The following ANKDD1A variants were observed in gnomAD, a reference collection of about 807,000 sequenced individuals.
ANKDD1A encodes ankyrin repeat and death domain-containing protein 1A.
ANKDD1A carries 59 observed loss-of-function variants against 63.5 expected under a neutral mutation model. The observed-to-expected ratio is 0.93, with a 90% CI of 0.75 to 1.15. The LOEUF (loss-of-function observed/expected upper bound fraction) is 1.15. Among genes scored for constraint, ANKDD1A ranks in the 50% most tolerant of loss-of-function variants. ANKDD1A has a pLI of 0.00. For synonymous variants in ANKDD1A, 266 were observed against 263.9 expected (o/e 1.01, Z -0.08); for missense variants, 632 against 656.4 (o/e 0.96, Z 0.41).
intron 9 of ANKDD1A, 88 bp downstream of exon 9, chr15:64,934,322 C>A: frequency 7.7e-7 from 1 of 1,297,932 alleles, no homozygotes; most frequent in Non-Finnish European, 1.1e-6. Context: ...ACAGGCACAT[C>A]GGATCCTTGG....
chr15:64,947,360 G>T (rs2085231605), intron 12 of ANKDD1A, 44 bp from the exon 13 acceptor site: 2 of 1,588,728 alleles, frequency 1.3e-6, no homozygotes, highest in Non-Finnish European at 8.6e-7. Context: ...CCCTGTCTGG[G>T]ATCATGAGGG....
intron 13 of ANKDD1A, among the ~76,000 whole-genome samples, chr15:64,948,104 T>C (rs1474209095): frequency 6.6e-6 from 1 of 152,134 alleles, no homozygotes; most frequent in African/African-American, 2.4e-5. Flanking sequence ...ATAGAAAATA[T>C]ACTAACACCA....
At position 64,949,694 on chromosome 15, in the gene ANKDD1A, A is replaced by C. The variant is rs931433944; in HGVS notation, c.1352-147A>C. 1.5e-5 allele frequency: 18 copies of C among 1,211,572 alleles called. No homozygotes were observed. The Middle Eastern group carries it at 6.5e-4, about 44-fold the overall frequency. The allele number at this position is 1,211,572 out of a possible 1,614,324, so 75.1% of individuals were successfully genotyped here. On this transcript the variant is annotated intron_variant, in intron 13 of 14. Coordinates refer to ENST00000319580, the MANE Select transcript of ANKDD1A (RefSeq NM_182703.6). Reference sequence around the variant, plus strand: ...CTATCTCCAGGCTGAGCTTGGCTGGAGCATGGAGAAGGGCCTTGGAGGCTT... The same window carrying C: ...CTATCTCCAGGCTGAGCTTGGCTGGCGCATGGAGAAGGGCCTTGGAGGCTT...
At chr15:64,931,708 G>C in intron 8 of ANKDD1A, 123 bp downstream of exon 8, 1 of 1,094,760 alleles carries the variant, frequency 9.1e-7, no homozygotes, top group Non-Finnish European at 1.3e-6. Flanking sequence ...AGCAGACAAG[G>C]TTCTGATCTT....
At chr15:64,949,221 A>G (rs559758807) in intron 13 of ANKDD1A, among the ~76,000 whole-genome samples, 33 of 152,358 alleles carry the variant, frequency 2.2e-4, no homozygotes, top group African/African-American at 7.7e-4. Context: ...CGTGTGGGCA[A>G]TTATTTTCCA....
At chr15:64,956,325 A>G (rs549738772) in intron 14 of ANKDD1A, among the ~76,000 whole-genome samples, 149 of 150,566 alleles carry the variant, frequency 9.9e-4, no homozygotes, top group African/African-American at 3.4e-3. Flanking sequence ...CAAGGCGGGC[A>G]GATCACGAGG....
At chr15:64,938,230 C>T (rs1344054441) in intron 9 of ANKDD1A, among the ~76,000 whole-genome samples, 1 of 152,176 alleles carries the variant, frequency 6.6e-6, no homozygotes, top group Non-Finnish European at 1.5e-5. Context: ...AACCTCCCAA[C>T]ACCTTAAGTA....
chr15:64,953,854 CTCTTCTTCCTCTTTCTTCTTCATTCTT>C (rs1300040678), intron 14 of ANKDD1A, among the ~76,000 whole-genome samples: 44 of 89,494 alleles, frequency 4.9e-4, no homozygotes, highest in African/African-American at 1.8e-3. Context: ...TTCTTCTTTC[CTCTTCTTCCTCTTTCTTCTTCATTCTT>C]TCTTCTTCCT....
At chr15:64,950,802 G>T in intron 14 of ANKDD1A, 1 of 1,039,788 alleles carries the variant, frequency 9.6e-7, no homozygotes, top group Non-Finnish European at 1.2e-6. Flanking sequence ...AGGGTAGAGA[G>T]ATTAGGGACG....
At chr15:64,950,374 A>T in intron 14 of ANKDD1A, 1 of 985,422 alleles carries the variant, frequency 1.0e-6, no homozygotes, top group Non-Finnish European at 1.2e-6. Context: ...GAACCAGTCA[A>T]ATCTGGTCAA....
At chr15:64,943,826 G>C in intron 11 of ANKDD1A, 1 of 531,568 alleles carries the variant, frequency 1.9e-6, no homozygotes. Flanking sequence ...TGAAATGATT[G>C]CTTTCTCCTT....
At chr15:64,948,800 T>A (rs12101530) in intron 13 of ANKDD1A, among the ~76,000 whole-genome samples, 1 of 151,740 alleles carries the variant, frequency 6.6e-6, no homozygotes, top group African/African-American at 2.4e-5. Flanking sequence ...CACTCCAGCC[T>A]GGGGGACAGA....
At chr15:64,951,720 C>CGTTCTTCCTTTCTTTTTTTTTTCTTT in intron 14 of ANKDD1A, among the ~76,000 whole-genome samples, 1 of 136,354 alleles carries the variant, frequency 7.3e-6, no homozygotes, top group Admixed American at 7.6e-5. Flanking sequence ...TCTTTTTCTT[C>CGTTCTTCCTTTCTTTTTTTTTTCTTT]CCTTTTCTTC....
At chr15:64,930,596 A>G (rs2085081888) in intron 6 of ANKDD1A, among the ~76,000 whole-genome samples, 1 of 152,196 alleles carries the variant, frequency 6.6e-6, no homozygotes, top group Non-Finnish European at 1.5e-5. Flanking sequence ...GGGCACGTGG[A>G]AAGTAGAATT....
chr15:64,917,329 T>C (rs922416060), intron 2 of ANKDD1A, 57 bp from the exon 3 acceptor site: 5 of 1,529,844 alleles, frequency 3.3e-6, no homozygotes, highest in African/African-American at 2.7e-5. Context: ...GTGTGGGAGG[T>C]GGTCCAGGCA....
intron 1 of ANKDD1A, chr15:64,914,082 G>A (rs1460478200): frequency 6.6e-6 from 1 of 151,984 alleles, no homozygotes; most frequent in Non-Finnish European, 1.5e-5. Flanking sequence ...CCAGCTCCCA[G>A]GTTGAAGCAA....
intron 4 of ANKDD1A, among the ~76,000 whole-genome samples, chr15:64,924,000 T>G (rs2085027534): frequency 6.6e-6 from 1 of 152,222 alleles, no homozygotes; most frequent in Non-Finnish European, 1.5e-5. Context: ...ACTCTAAAAT[T>G]TAAACGTAAT....
At chr15:64,935,686 A>T (rs554704756) in intron 9 of ANKDD1A, among the ~76,000 whole-genome samples, 10 of 151,796 alleles carry the variant, frequency 6.6e-5, no homozygotes, top group Admixed American at 2.0e-4. Context: ...AAAAAAAAAG[A>T]AAAGAAAATT....
chr15:64,913,511 C>T (rs369095537), intron 1 of ANKDD1A, among the ~76,000 whole-genome samples: 1 of 152,038 alleles, frequency 6.6e-6, no homozygotes, highest in African/African-American at 2.4e-5. Context: ...TAGGGAAGCT[C>T]GCACTCCTGT....
Sources: allele counts gnomAD v4.1 joint callset (sites outside exome capture counted in the v4.1 genomes callset), GRCh38; gene constraint gnomAD v4.1.1; transcripts MANE v1.5; gene names NCBI Gene and HGNC (gene_info 2026-07-23, HGNC 2026-07-21).